BDNF: variants seen among roughly 807,000 people sequenced by gnomAD.
BDNF encodes the protein neurotrophic factor BDNF precursor form.
Under a neutral mutation model 19.5 loss-of-function variants are expected in BDNF, and 1 was observed. The ratio of observed to expected loss-of-function variants is 0.05; its 90% CI spans 0.02 to 0.24. The LOEUF (loss-of-function observed/expected upper bound fraction) is 0.24. BDNF is among the 10% of genes least tolerant of loss of function. The pLI, the probability that BDNF is intolerant of heterozygous loss-of-function variation, is 1.00. For synonymous variants in BDNF, 100 were observed against 121.6 expected (o/e 0.82, Z 1.17); for missense variants, 195 against 317.6 (o/e 0.61, Z 2.93).
chr11:27,694,840 A>G (rs1287374827), intron 1 of BDNF, among the ~76,000 whole-genome samples: 1 of 152,190 alleles, frequency 6.6e-6, no homozygotes, highest in African/African-American at 2.4e-5. Flanking sequence ...TATCTCAGAA[A>G]GTATAATGAA....
chr11:27,661,353 C>T (rs1183960934), intron 1 of BDNF, among the ~76,000 whole-genome samples: 1 of 152,148 alleles, frequency 6.6e-6, no homozygotes, highest in Non-Finnish European at 1.5e-5. Flanking sequence ...TTGGGCAACC[C>T]AGGCATAGGA....
chr11:27,666,611 C>G (rs1224426265), intron 1 of BDNF, among the ~76,000 whole-genome samples: 1 of 152,016 alleles, frequency 6.6e-6, no homozygotes, highest in African/African-American at 2.4e-5. Flanking sequence ...AACCATGGCA[C>G]GAGAACTATG....
At chr11:27,710,836 T>C (rs555113384) in intron 1 of BDNF, among the ~76,000 whole-genome samples, 1 of 152,280 alleles carries the variant, frequency 6.6e-6, no homozygotes, top group Admixed American at 6.5e-5. Flanking sequence ...ACTCAATAAC[T>C]CTCAGAAGTC....
intron 1 of BDNF, among the ~76,000 whole-genome samples, chr11:27,685,830 A>G (rs1857414369): frequency 6.6e-6 from 1 of 152,136 alleles, no homozygotes; most frequent in Non-Finnish European, 1.5e-5. Context: ...TATGTGGTCA[A>G]TTTTAGAATA....
intron 1 of BDNF, chr11:27,699,633 T>C (rs1050941628): frequency 1.4e-6 from 2 of 1,441,240 alleles, no homozygotes; most frequent in Non-Finnish European, 1.8e-6. Flanking sequence ...GTAAGTCCAC[T>C]TCAGTCTCAA....
chr11:27,698,947 G>A (rs1859535596), intron 1 of BDNF, among the ~76,000 whole-genome samples: 1 of 152,102 alleles, frequency 6.6e-6, no homozygotes, highest in African/African-American at 2.4e-5. Flanking sequence ...TTGCATAGAA[G>A]CCAAACAAGA....
At chr11:27,671,348 A>G (rs1855353274) in intron 1 of BDNF, among the ~76,000 whole-genome samples, 1 of 152,098 alleles carries the variant, frequency 6.6e-6, no homozygotes, top group Non-Finnish European at 1.5e-5. Context: ...AGTAAGCATC[A>G]TATTTAATGA....
chr11:27,671,759 A>G (rs1394072727), intron 1 of BDNF, among the ~76,000 whole-genome samples: 3 of 152,170 alleles, frequency 2.0e-5, no homozygotes, highest in Non-Finnish European at 4.4e-5. Flanking sequence ...AACATAAAGT[A>G]GAAACTTCTA....
intron 1 of BDNF, among the ~76,000 whole-genome samples, chr11:27,671,762 A>G (rs1414301983): frequency 6.6e-6 from 1 of 152,146 alleles, no homozygotes; most frequent in Non-Finnish European, 1.5e-5. Context: ...ATAAAGTAGA[A>G]ACTTCTAAGA....
rs537776183 is a variant in BDNF, at chr11:27,662,295, T to C, written c.-21-3710A>G. On this transcript the variant is annotated intron_variant, in intron 1 of 1. Transcript: ENST00000356660. ...CTGAAAGGTAAGTTCTTTGAGGGAA[T>C]GGATCATGTCTGAGCCCCCATAATG... 1.3e-4 allele frequency among the ~76,000 whole-genome samples: 20 copies of C among 152,346 alleles called. No individual in the cohort carries two copies. The South Asian group carries it at 3.5e-3, about 27-fold the overall frequency.
At chr11:27,699,402 G>A (rs1193384169) in intron 1 of BDNF, 1 of 1,614,032 alleles carries the variant, frequency 6.2e-7, no homozygotes. Flanking sequence ...TCCCGGCTCT[G>A]CATCCCCAGA....
At chr11:27,660,282 CA>C (rs1227454780) in intron 1 of BDNF, 7 of 1,227,414 alleles carry the variant, frequency 5.7e-6, no homozygotes, top group Admixed American at 2.6e-5. Context: ...CCTAAACACA[CA>C]AAAAAATTTC....
At chr11:27,710,606 G>A (rs1342831566) in intron 1 of BDNF, among the ~76,000 whole-genome samples, 1 of 152,170 alleles carries the variant, frequency 6.6e-6, no homozygotes, top group Non-Finnish European at 1.5e-5. Flanking sequence ...TATAAGCCTT[G>A]TAATTACGTT....
At position 27,655,634 on chromosome 11, in the gene BDNF, C is replaced by G. The variant is rs552619701; in HGVS notation, c.*2187G>C. On this transcript the variant is annotated 3_prime_UTR_variant, in exon 2 of 2. Coordinates refer to ENST00000356660, the MANE Select transcript of BDNF (RefSeq NM_001709.5). Reference sequence around the variant, plus strand: ...CAGATGGTACTGTGAAAGACTAGCTCTAAATGAAAGACTGAACAAATTGAA... The same window carrying G: ...CAGATGGTACTGTGAAAGACTAGCTGTAAATGAAAGACTGAACAAATTGAA... The G allele has an allele frequency of 2.0e-5, 3 of 152,224 alleles. No individual in the cohort carries two copies. The highest frequency in any genetic ancestry group is 7.2e-5 in the African/African-American group (3 of 41,458). 9.4% of individuals were successfully genotyped at this position (152,224 alleles called of 1,614,324 possible).
chr11:27,716,789 TA>T (rs953737997), intron 1 of BDNF, among the ~76,000 whole-genome samples: 4 of 152,146 alleles, frequency 2.6e-5, no homozygotes, highest in African/African-American at 9.7e-5. Context: ...GTATATTTAA[TA>T]AAAAATATGC....
intron 1 of BDNF, chr11:27,720,506 T>A (rs2134118833): frequency 1.0e-6 from 1 of 985,834 alleles, no homozygotes; most frequent in African/African-American, 1.7e-5. Flanking sequence ...GGGACCAAAC[T>A]GGGGCTCGCT....
intron 1 of BDNF, among the ~76,000 whole-genome samples, chr11:27,710,473 C>G (rs1860279351): frequency 6.6e-6 from 1 of 152,182 alleles, no homozygotes; most frequent in African/African-American, 2.4e-5. Context: ...ACACCAATTC[C>G]TGGCATGCTC....
chr11:27,720,943 A>T (rs1306046416), intron 1 of BDNF, among the ~76,000 whole-genome samples: 2 of 67,378 alleles, frequency 3.0e-5, no homozygotes, highest in Non-Finnish European at 6.2e-5. Context: ...CTCTCCCCCC[A>T]ACCCCACCCC....
At chr11:27,659,211 A>G in intron 1 of BDNF, 9 of 996,438 alleles carry the variant, frequency 9.0e-6, no homozygotes, top group Non-Finnish European at 1.1e-5. Flanking sequence ...AATTTCATTG[A>G]GCCATCCTGT....
Sources: gnomAD v4.1 joint callset for allele counts (sites outside exome capture counted in the v4.1 genomes callset) on GRCh38, gnomAD v4.1.1 for gene constraint, MANE v1.5 for transcripts, NCBI Gene and HGNC (gene_info 2026-07-23, HGNC 2026-07-21) for gene names.